PDE3B: variants seen among roughly 807,000 people sequenced by gnomAD.
The protein encoded by PDE3B is cGMP-inhibited 3',5'-cyclic phosphodiesterase 3B.
Under a neutral mutation model 116.8 loss-of-function variants are expected in PDE3B, and 66 were observed. The observed-to-expected ratio is 0.56, with a 90% confidence interval of 0.46 to 0.69. The LOEUF is 0.69. Among genes scored for constraint, PDE3B ranks in the 30% least tolerant of loss-of-function variants. The pLI is 0.00. For synonymous variants in PDE3B, 595 were observed against 533.6 expected, an observed-to-expected ratio of 1.12 and a Z score of -1.59; for missense variants, 1,384 against 1,368.1, an observed-to-expected ratio of 1.01 and a Z score of -0.18.
rs1555007135 is a variant in PDE3B, at chr11:14,861,366, G to A, written c.2886G>A (p.Gln962=). The change falls in exon 14 of 16, where the codon CAG becomes CAA. Residue 962 remains glutamine (Q), a splice_region_variant and synonymous_variant. Coordinates refer to ENST00000282096, the MANE Select transcript of PDE3B (RefSeq NM_000922.4). ...TEGIVNEFYE[Q]GDEEANLGLP... The stretch of plus-strand genomic sequence containing the variant: ...GCATTGTCAATGAATTTTATGAGCA[G>A]GTAAGTTGAAACCTGAGCTTGGTGG... 1 of 1,612,652 alleles carries A rather than the reference G, an allele frequency of 6.2e-7. No individual in the cohort carries two copies. The highest frequency in any genetic ancestry group is 2.2e-5 in the East Asian group (1 of 44,802).
At chr11:14,736,498 A>G (rs1856605330) in intron 1 of PDE3B, among the ~76,000 whole-genome samples, 2 of 152,248 alleles carry the variant, frequency 1.3e-5, no homozygotes, top group Non-Finnish European at 2.9e-5. Flanking sequence ...GAGTATAACT[A>G]AAGTTGCCAT....
At chr11:14,700,998 G>A (rs1267046184) in intron 1 of PDE3B, 1 of 151,742 alleles carries the variant, frequency 6.6e-6, no homozygotes, top group African/African-American at 2.4e-5. Context: ...ATTATGAGCA[G>A]ATCTGAGTGC....
intron 4 of PDE3B, among the ~76,000 whole-genome samples, chr11:14,794,809 G>A (rs1430084574): frequency 6.6e-6 from 1 of 152,174 alleles, no homozygotes; most frequent in Non-Finnish European, 1.5e-5. Flanking sequence ...ATTTGCTAGA[G>A]CAGCTCACAG....
chr11:14,766,303 G>A (rs1424646920), intron 1 of PDE3B, among the ~76,000 whole-genome samples: 1 of 151,400 alleles, frequency 6.6e-6, no homozygotes, highest in African/African-American at 2.4e-5. Context: ...TAATTTATGA[G>A]GACAGTCAGC....
At chr11:14,779,121 G>GA (rs1195698061) in intron 2 of PDE3B, among the ~76,000 whole-genome samples, 1 of 152,018 alleles carries the variant, frequency 6.6e-6, no homozygotes, top group Non-Finnish European at 1.5e-5. Context: ...GAAATTTAGA[G>GA]AAAAAAGAAA....
At position 14,644,279 on chromosome 11, in the gene PDE3B, G is replaced by C. The variant is rs1196984445; in HGVS notation, c.204G>C (p.Gln68His). The C allele has an allele frequency of 6.4e-7, 1 of 1,565,914 alleles. No homozygotes were observed. The highest frequency in any genetic ancestry group is 2.4e-5 in the East Asian group (1 of 41,454). The change falls in exon 1 of 16, where the codon CAG (glutamine) becomes CAC (histidine). Residue 68 changes from glutamine to histidine, a missense_variant. Transcript: ENST00000282096. ...GGCCGCCGCCGGCCTCTCCCCAGCA[G>C]CCGCGGCGCTGCTCCCCCTTCTGCC... is the stretch of plus-strand genomic sequence containing the variant. ...ELRPPPASPQ[Q>H]PRRCSPFCRA... is the part of the protein sequence containing the mutation.
intron 10 of PDE3B, among the ~76,000 whole-genome samples, chr11:14,833,244 C>T (rs749189543): frequency 3.9e-5 from 6 of 152,070 alleles, no homozygotes; most frequent in East Asian, 3.9e-4. Flanking sequence ...TCAGCTGCCG[C>T]GCCTGGCCTG....
intron 7 of PDE3B, among the ~76,000 whole-genome samples, chr11:14,827,882 A>G (rs998926396): frequency 6.6e-6 from 1 of 152,234 alleles, no homozygotes; most frequent in African/African-American, 2.4e-5. Flanking sequence ...AAAAGAACAA[A>G]GCTGGAGGCA....
the PDE3B span, among the ~76,000 whole-genome samples, chr11:14,893,800 C>T: frequency 6.6e-6 from 1 of 152,180 alleles, no homozygotes; most frequent in Non-Finnish European, 1.5e-5. Flanking sequence ...TTAATTCCAT[C>T]TGCAACCTTA....
At chr11:14,743,111 G>C (rs531741242) in intron 1 of PDE3B, among the ~76,000 whole-genome samples, 2 of 152,314 alleles carry the variant, frequency 1.3e-5, no homozygotes, top group East Asian at 3.9e-4. Context: ...GAGATCTGCT[G>C]TTCTCTTCAG....
the PDE3B span, chr11:14,891,290 T>G: frequency 2.0e-6 from 2 of 985,240 alleles, no homozygotes; most frequent in Admixed American, 6.1e-5. Context: ...AAGTTGGCAG[T>G]GACAGTGGCA....
intron 1 of PDE3B, among the ~76,000 whole-genome samples, chr11:14,648,486 A>G (rs1327250078): frequency 1.3e-5 from 2 of 152,084 alleles, no homozygotes; most frequent in African/African-American, 2.4e-5. Context: ...AGTATTTGTG[A>G]AATTTATTTT....
chr11:14,692,567 TTTTTA>T (rs1855073549), intron 1 of PDE3B, among the ~76,000 whole-genome samples: 1 of 152,164 alleles, frequency 6.6e-6, no homozygotes, highest in South Asian at 2.1e-4. Flanking sequence ...AATTTTTAAT[TTTTTA>T]TTAGTATATC....
chr11:14,748,345 C>T (rs1000077706), intron 1 of PDE3B, among the ~76,000 whole-genome samples: 1 of 152,172 alleles, frequency 6.6e-6, no homozygotes, highest in Non-Finnish European at 1.5e-5. Context: ...GAAGAAGCAG[C>T]ATTCATAAAT....
chr11:14,670,410 T>C (rs772690545), intron 1 of PDE3B, among the ~76,000 whole-genome samples: 1 of 152,162 alleles, frequency 6.6e-6, no homozygotes, highest in Non-Finnish European at 1.5e-5. Context: ...ATAGGTATCT[T>C]TGAATATTTG....
chr11:14,811,857 G>A (rs986377835), intron 5 of PDE3B, among the ~76,000 whole-genome samples: 5 of 152,180 alleles, frequency 3.3e-5, no homozygotes, highest in Admixed American at 6.5e-5. Flanking sequence ...GGTCCCTCAC[G>A]TCCCTTGTAA....
chr11:14,651,352 C>T (rs371547582), intron 1 of PDE3B, among the ~76,000 whole-genome samples: 6 of 152,104 alleles, frequency 3.9e-5, no homozygotes, highest in South Asian at 2.1e-4. Context: ...TGATTATCCC[C>T]GTAGAGACCT....
intron 1 of PDE3B, among the ~76,000 whole-genome samples, chr11:14,668,305 T>C (rs1340986209): frequency 6.6e-6 from 1 of 152,190 alleles, no homozygotes; most frequent in Non-Finnish European, 1.5e-5. Context: ...TTATAGCCTC[T>C]ATACAATCTA....
chr11:14,662,825 C>T (rs1467053151), intron 1 of PDE3B, among the ~76,000 whole-genome samples: 2 of 152,124 alleles, frequency 1.3e-5, no homozygotes, highest in African/African-American at 2.4e-5. Flanking sequence ...ACCAAATCTG[C>T]GTCTGATTGG....
Sources: allele counts gnomAD v4.1 joint callset (sites outside exome capture counted in the v4.1 genomes callset), GRCh38; gene constraint gnomAD v4.1.1; transcripts MANE v1.5; gene names NCBI Gene and HGNC (gene_info 2026-07-23, HGNC 2026-07-21).